Variants in PATJ observed in about 807,000 individuals in gnomAD.
PATJ encodes PATJ crumbs cell polarity complex component.
PATJ carries 190 observed loss-of-function variants against 224.9 expected under a neutral mutation model. The ratio of observed to expected loss-of-function variants is 0.84; its 90% CI spans 0.75 to 0.95. The LOEUF (loss-of-function observed/expected upper bound fraction) is 0.95. PATJ is among the 40% of genes least tolerant of loss of function. The pLI, the probability that PATJ is intolerant of heterozygous loss-of-function variation, is 0.00. For missense variants in PATJ, 2,121 were observed against 2,270.3 expected, an observed-to-expected ratio of 0.93 and a Z score of 1.34; for synonymous variants, 769 against 820.3, an observed-to-expected ratio of 0.94 and a Z score of 1.07.
At chr1:62,116,226 A>G (rs1664425909) in intron 35 of PATJ, among the ~76,000 whole-genome samples, 1 of 152,210 alleles carries the variant, frequency 6.6e-6, no homozygotes, top group Non-Finnish European at 1.5e-5. Context: ...TTTATCTTAA[A>G]GATATACTTA....
chr1:62,040,667 C>T (rs1422449670), intron 30 of PATJ, among the ~76,000 whole-genome samples: 1 of 150,884 alleles, frequency 6.6e-6, no homozygotes, highest in African/African-American at 2.4e-5. Flanking sequence ...GTCTTAGAAG[C>T]TGGGAGAGCA....
At chr1:62,138,766 C>T (rs1262344842) in intron 41 of PATJ, among the ~76,000 whole-genome samples, 1 of 152,244 alleles carries the variant, frequency 6.6e-6, no homozygotes, top group Non-Finnish European at 1.5e-5. Context: ...AAGACCACAG[C>T]TGCAGATCTT....
chr1:62,079,714 G>T (rs371694648), intron 32 of PATJ, 147 bp downstream of exon 32: 35 of 642,678 alleles, frequency 5.4e-5, no homozygotes, highest in Middle Eastern at 2.6e-4. Context: ...GCTTGGATAG[G>T]TCACTTCATT....
chr1:61,966,102 A>C (rs12087264), intron 27 of PATJ, among the ~76,000 whole-genome samples: 5,195 of 152,114 alleles, frequency 0.034, 336 homozygotes, highest in African/African-American at 0.12. Context: ...AGGTTTTACC[A>C]TGTTGGCCAG....
At chr1:61,908,593 T>A in intron 25 of PATJ, 111 bp downstream of exon 25, 1 of 682,320 alleles carries the variant, frequency 1.5e-6, no homozygotes, top group Non-Finnish European at 2.5e-6. Context: ...TCCCAAACTA[T>A]ATTTAAAGTA....
chr1:61,840,356 A>G (rs890172159), intron 17 of PATJ, among the ~76,000 whole-genome samples: 1 of 152,072 alleles, frequency 6.6e-6, no homozygotes, highest in Admixed American at 6.5e-5. Context: ...TCAAAGGTGT[A>G]TAAAGATATC....
At chr1:62,015,622 T>C (rs546012593) in intron 28 of PATJ, among the ~76,000 whole-genome samples, 1 of 152,110 alleles carries the variant, frequency 6.6e-6, no homozygotes, top group African/African-American at 2.4e-5. Flanking sequence ...AACCTCTGCC[T>C]CCCAGGTTCA....
intron 27 of PATJ, among the ~76,000 whole-genome samples, chr1:61,935,697 A>G (rs1676746483): frequency 6.6e-6 from 1 of 152,106 alleles, no homozygotes; most frequent in African/African-American, 2.4e-5. Flanking sequence ...AGGCTGGGGC[A>G]GGAGGATCAG....
At chr1:62,038,537 C>A in intron 30 of PATJ, 1 of 159,014 alleles carries the variant, frequency 6.3e-6, no homozygotes, top group Non-Finnish European at 1.4e-5. Context: ...AGGGGATATT[C>A]CTTCTCTTCT....
At chr1:61,947,918 C>T (rs1235157906) in intron 27 of PATJ, among the ~76,000 whole-genome samples, 1 of 152,132 alleles carries the variant, frequency 6.6e-6, no homozygotes, top group Admixed American at 6.5e-5. Flanking sequence ...CACACATCTA[C>T]AACCATCTGA....
At chr1:61,960,494 T>C (rs1290454693) in intron 27 of PATJ, among the ~76,000 whole-genome samples, 1 of 151,710 alleles carries the variant, frequency 6.6e-6, no homozygotes, top group East Asian at 1.9e-4. Flanking sequence ...AAACCCCGTC[T>C]CTACTAAAAA....
intron 27 of PATJ, among the ~76,000 whole-genome samples, chr1:61,947,303 G>A (rs1571437944): frequency 1.3e-5 from 2 of 152,174 alleles, no homozygotes; most frequent in African/African-American, 4.8e-5. Context: ...TGACATGATT[G>A]TATATTTAGA....
At chr1:61,867,573 ATTTTTTT>A (rs59246792) in intron 20 of PATJ, among the ~76,000 whole-genome samples, 85,467 of 145,434 alleles carry the variant, frequency 0.59, 25,323 homozygotes, top group East Asian at 0.81. Context: ...AATCTGTAAA[ATTTTTTT>A]TTTTTTTTTT....
chr1:61,833,474 T>A (rs191320942), intron 16 of PATJ, 180 bp from the exon 17 acceptor site: 1 of 470,232 alleles, frequency 2.1e-6, no homozygotes, highest in Admixed American at 4.0e-5. Flanking sequence ...TTTTATAAGA[T>A]CTTATCCTGG....
At chr1:62,028,005 A>T (rs2365741) in intron 29 of PATJ, among the ~76,000 whole-genome samples, 83,181 of 151,824 alleles carry the variant, frequency 0.55, 22,927 homozygotes, top group South Asian at 0.69. Context: ...AATTTATCTA[A>T]TTTTGTTGTT....
chr1:61,828,004 TG>T (rs1658580303), intron 16 of PATJ, among the ~76,000 whole-genome samples: 1 of 152,128 alleles, frequency 6.6e-6, no homozygotes, highest in Non-Finnish European at 1.5e-5. Context: ...CCCAGCACTT[TG>T]GGAGGCCGAG....
chr1:61,828,339 T>G (rs1658666022), intron 16 of PATJ, among the ~76,000 whole-genome samples: 1 of 152,026 alleles, frequency 6.6e-6, no homozygotes, highest in Non-Finnish European at 1.5e-5. Context: ...AATAACACTT[T>G]ATATGCTCTT....
At chr1:61,860,581 T>A (rs1376116586) in intron 18 of PATJ, among the ~76,000 whole-genome samples, 1 of 151,690 alleles carries the variant, frequency 6.6e-6, no homozygotes, top group Non-Finnish European at 1.5e-5. Context: ...CCCAGCACTT[T>A]GGGAGGCGGA....
chr1:62,078,546 A>G (rs550741610), intron 31 of PATJ, among the ~76,000 whole-genome samples: 3 of 152,058 alleles, frequency 2.0e-5, no homozygotes, highest in East Asian at 3.9e-4. Flanking sequence ...TCAGCCTCCC[A>G]AAGTGCTGGG....
Sources: gnomAD v4.1 joint callset for allele counts (sites outside exome capture counted in the v4.1 genomes callset) on GRCh38, gnomAD v4.1.1 for gene constraint, MANE v1.5 for transcripts, NCBI Gene and HGNC (gene_info 2026-07-23, HGNC 2026-07-21) for gene names.